The following TLR6 variants were observed in gnomAD, a reference collection of about 807,000 sequenced individuals.
TLR6 encodes toll like receptor 6.
A neutral mutation model predicts 16.1 loss-of-function variants in TLR6; 9 were observed. That is an observed-to-expected ratio of 0.56 (90% CI 0.34 to 0.98). The LOEUF (loss-of-function observed/expected upper bound fraction) is 0.98, where lower values mean the gene tolerates loss of function less well. Ranked by LOEUF, TLR6 falls within the 50% of genes least tolerant of loss-of-function variation. The pLI, the probability that TLR6 is intolerant of heterozygous loss-of-function variation, is 0.02. For missense variants in TLR6, 786 were observed against 921.0 expected (o/e 0.85, Z 1.90); for synonymous variants, 340 against 338.6 (o/e 1.00, Z -0.04).
chr4:38,858,829 G>A (rs866916276), upstream of TLR6, among the ~76,000 whole-genome samples: 4 of 71,742 alleles, frequency 5.6e-5, no homozygotes, highest in South Asian at 4.7e-4. Flanking sequence ...GAGAGAGAGA[G>A]AGGAAGAAAG....
At position 38,856,181 on chromosome 4, in the gene TLR6, T is replaced by C. The variant is rs543195331; in HGVS notation, c.-65+580A>G. ...GGCTTGGTCCCGGCCACTTCCTCCA[T>C]TTAATAAATGTTTATTCAGAGTCTA... On this transcript the variant is annotated intron_variant, in intron 1 of 1. Coordinates refer to ENST00000436693, the Ensembl canonical transcript of TLR6. 2.6e-5 allele frequency among the ~76,000 whole-genome samples: 4 copies of C among 152,332 alleles called. No homozygotes were observed. The South Asian group carries it at 8.3e-4, about 32-fold the overall frequency.
At chr4:38,864,968 C>T in the TLR6 span, among the ~76,000 whole-genome samples, 1 of 152,214 alleles carries the variant, frequency 6.6e-6, no homozygotes, top group Non-Finnish European at 1.5e-5. Flanking sequence ...CGTCATCACA[C>T]CACTGCACTC....
At chr4:38,823,478 A>C (rs1727403872), downstream of TLR6, among the ~76,000 whole-genome samples, 1 of 152,100 alleles carries the variant, frequency 6.6e-6, no homozygotes, top group Non-Finnish European at 1.5e-5. Flanking sequence ...ATCCAAACTC[A>C]TCTCTGCCAT....
At chr4:38,840,742 G>A (rs1014002539) in intron 1 of TLR6, among the ~76,000 whole-genome samples, 1 of 152,026 alleles carries the variant, frequency 6.6e-6, no homozygotes, top group South Asian at 2.1e-4. Flanking sequence ...AGATTTTCAT[G>A]TACCCAAATC....
the TLR6 span, among the ~76,000 whole-genome samples, chr4:38,862,551 G>A: frequency 6.7e-5 from 10 of 148,902 alleles, no homozygotes; most frequent in Non-Finnish European, 1.3e-4. Flanking sequence ...AAAGTGCTGG[G>A]ATTACAGGCG....
chr4:38,864,986 G>A, the TLR6 span, among the ~76,000 whole-genome samples: 2 of 152,166 alleles, frequency 1.3e-5, no homozygotes, highest in African/African-American at 2.4e-5. Context: ...CTCCAGCCTA[G>A]GTGACAGAGT....
At chr4:38,848,338 C>T (rs1441111738) in intron 1 of TLR6, among the ~76,000 whole-genome samples, 1 of 152,184 alleles carries the variant, frequency 6.6e-6, no homozygotes, top group East Asian at 1.9e-4. Context: ...GGGGAAAAAA[C>T]AGAGCAGAAA....
chr4:38,846,511 GA>G lies in TLR6; in HGVS notation c.-65+10249del, dbSNP rs371299231. On this transcript the variant is annotated intron_variant, in intron 1 of 1. Transcript: ENST00000436693. ...GAGAATTTTCCCAAACTCACCAGGG[GA>G]GGCCAAAGAGACAGAAAACATACTA... 1.4e-3 allele frequency among the ~76,000 whole-genome samples: 218 copies of G among 152,198 alleles called. 1 individual carries two copies. Among genetic ancestry groups the G allele is most frequent in the South Asian group, 6.9e-3 (33 of 4,812 alleles).
At chr4:38,824,565 CGTT>C (rs1727457991) in exon 2 of TLR6, 1 of 151,862 alleles carries the variant, frequency 6.6e-6, no homozygotes, top group Non-Finnish European at 1.5e-5. Context: ...TTTTTTTTGT[CGTT>C]GTTGTTACTG....
the TLR6 span, chr4:38,867,976 A>G: frequency 2.8e-6 from 1 of 362,946 alleles, no homozygotes; most frequent in Non-Finnish European, 5.6e-6. Context: ...GTTAGTGAGA[A>G]GCAGTGGTCA....
In TLR6 at chr4:38,827,730, A is replaced by G. The variant is rs757107293; in HGVS notation, c.1744T>C (p.Cys582Arg). The G allele has an allele frequency of 8.7e-6, 14 of 1,614,266 alleles. No individual in the cohort carries two copies. In the South Asian group the frequency reaches 1.5e-4, roughly 18 times the overall value. ...GTGACGATCAGCAGAGTTATGTTGC[A>G]GGATAATTCAGACATGTGAAAGTCC... is the stretch of plus-strand genomic sequence containing the variant. Residue 582 changes from cysteine to arginine, a missense_variant, in exon 2 of 2, where the codon TGC (cysteine) becomes CGC (arginine). Transcript: ENST00000436693.
At chr4:38,840,589 G>C (rs56386148) in intron 1 of TLR6, among the ~76,000 whole-genome samples, 1 of 150,584 alleles carries the variant, frequency 6.6e-6, no homozygotes, top group Non-Finnish European at 1.5e-5. Flanking sequence ...AGCCGAGATC[G>C]CGCCATTACA....
intron 1 of TLR6, among the ~76,000 whole-genome samples, chr4:38,843,105 C>T (rs1712359292): frequency 6.6e-6 from 1 of 152,178 alleles, no homozygotes; most frequent in South Asian, 2.1e-4. Flanking sequence ...AGCCTCGTTG[C>T]ATTACAACAC....
At chr4:38,842,666 A>T (rs1172132128) in intron 1 of TLR6, among the ~76,000 whole-genome samples, 1 of 152,238 alleles carries the variant, frequency 6.6e-6, no homozygotes, top group Non-Finnish European at 1.5e-5. Flanking sequence ...GTGCCAGCAC[A>T]CAAGGCCAGA....
chr4:38,867,429 A>G, the TLR6 span, among the ~76,000 whole-genome samples: 1 of 152,000 alleles, frequency 6.6e-6, no homozygotes, highest in Non-Finnish European at 1.5e-5. Context: ...AGGGCAAGGG[A>G]GTGCTGCTTA....
At chr4:38,866,698 T>C in the TLR6 span, among the ~76,000 whole-genome samples, 1 of 151,814 alleles carries the variant, frequency 6.6e-6, no homozygotes, top group Non-Finnish European at 1.5e-5. Context: ...AGGGGGAAAT[T>C]TACAAAATAC....
At chr4:38,830,948 T>A (rs114725857) in intron 1 of TLR6, among the ~76,000 whole-genome samples, 1 of 151,966 alleles carries the variant, frequency 6.6e-6, no homozygotes, top group African/African-American at 2.4e-5. Context: ...ATTGTGTAAC[T>A]TGGCATTAAA....
intron 1 of TLR6, among the ~76,000 whole-genome samples, chr4:38,842,529 C>A (rs73811212): frequency 0.032 from 4,819 of 152,272 alleles, 225 homozygotes; most frequent in African/African-American, 0.089. Context: ...AATTATTCTA[C>A]AGGGAAAGCA....
the TLR6 span, among the ~76,000 whole-genome samples, chr4:38,863,391 C>T: frequency 2.2e-3 from 342 of 152,258 alleles, 1 homozygote; most frequent in Middle Eastern, 0.01. Flanking sequence ...CATGCACTCT[C>T]ATCCTGGTCC....
Sources: allele counts gnomAD v4.1 joint callset (sites outside exome capture counted in the v4.1 genomes callset), GRCh38; gene constraint gnomAD v4.1.1; transcripts MANE v1.5; gene names NCBI Gene and HGNC (gene_info 2026-07-23, HGNC 2026-07-21).